Variants in POLR3B observed in about 807,000 individuals in gnomAD.
POLR3B encodes DNA-directed RNA polymerase III subunit RPC2.
A neutral mutation model predicts 147.4 loss-of-function variants in POLR3B; 96 were observed. The ratio of observed to expected loss-of-function variants is 0.65; its 90% CI spans 0.55 to 0.77. POLR3B has a LOEUF of 0.77. Among genes scored for constraint, POLR3B ranks in the 30% least tolerant of loss-of-function variants. POLR3B has a pLI of 0.00. For synonymous variants in POLR3B, 461 were observed against 485.9 expected (o/e 0.95, Z 0.67); for missense variants, 1,036 against 1,413.5 (o/e 0.73, Z 4.28).
intron 9 of POLR3B, among the ~76,000 whole-genome samples, chr12:106,381,784 CAAAA>C (rs2036766961): frequency 6.6e-6 from 1 of 152,126 alleles, no homozygotes; most frequent in South Asian, 2.1e-4. Flanking sequence ...AGTAAAGAAA[CAAAA>C]GAATGGCTAC....
chr12:106,368,769 G>A (rs1304797173), intron 4 of POLR3B, among the ~76,000 whole-genome samples: 1 of 152,098 alleles, frequency 6.6e-6, no homozygotes, highest in South Asian at 2.1e-4. Context: ...GCACAAAAAA[G>A]TATATTCAGA....
chr12:106,448,032 A>G (rs1239635841), intron 19 of POLR3B, among the ~76,000 whole-genome samples: 1 of 151,226 alleles, frequency 6.6e-6, no homozygotes, highest in Non-Finnish European at 1.5e-5. Flanking sequence ...TTCATTCTAC[A>G]CCTCCTCCCC....
chr12:106,464,068 G>C (rs552127175), intron 23 of POLR3B, among the ~76,000 whole-genome samples: 1 of 151,956 alleles, frequency 6.6e-6, no homozygotes, highest in African/African-American at 2.4e-5. Context: ...TTCAGACCCC[G>C]CATTTTCAGT....
intron 6 of POLR3B, among the ~76,000 whole-genome samples, chr12:106,371,297 T>C (rs1047965220): frequency 1.1e-4 from 16 of 152,196 alleles, no homozygotes; most frequent in Non-Finnish European, 5.9e-5. Flanking sequence ...CAACAGGTGC[T>C]GGAGAGGATG....
At chr12:106,425,568 GC>G (rs2037424529) in intron 12 of POLR3B, among the ~76,000 whole-genome samples, 1 of 152,140 alleles carries the variant, frequency 6.6e-6, no homozygotes, top group African/African-American at 2.4e-5. Context: ...ATGCAAGAAA[GC>G]CCAGGGAAGT....
chr12:106,447,953 A>G (rs1279797288), intron 19 of POLR3B, among the ~76,000 whole-genome samples: 1 of 152,226 alleles, frequency 6.6e-6, no homozygotes, highest in East Asian at 1.9e-4. Flanking sequence ...GCTGAGATGC[A>G]CTAGAAATAG....
chr12:106,443,577 G>T (rs1049744732), intron 18 of POLR3B, among the ~76,000 whole-genome samples: 1 of 151,822 alleles, frequency 6.6e-6, no homozygotes, highest in Non-Finnish European at 1.5e-5. Context: ...GAGTGCAGTG[G>T]CAAGATCTCA....
intron 19 of POLR3B, among the ~76,000 whole-genome samples, chr12:106,451,612 ACT>A (rs1307449700): frequency 1.9e-5 from 2 of 107,376 alleles, no homozygotes; most frequent in East Asian, 6.1e-4. Flanking sequence ...ATGGAGTGAG[ACT>A]CTGTTATTTA....
At chr12:106,423,878 C>A (rs1412224340) in intron 12 of POLR3B, among the ~76,000 whole-genome samples, 1 of 150,246 alleles carries the variant, frequency 6.7e-6, no homozygotes, top group African/African-American at 2.5e-5. Flanking sequence ...TTCCTCGGGA[C>A]AAGAGTCTTG....
intron 23 of POLR3B, among the ~76,000 whole-genome samples, chr12:106,491,116 TA>T (rs1418873832): frequency 6.6e-6 from 1 of 152,318 alleles, no homozygotes; most frequent in Non-Finnish European, 1.5e-5. Flanking sequence ...TCTTATATAA[TA>T]ATAATTCCTT....
chr12:106,417,695 A>G (rs1045644505), intron 12 of POLR3B, among the ~76,000 whole-genome samples: 1 of 152,194 alleles, frequency 6.6e-6, no homozygotes, highest in Admixed American at 6.6e-5. Context: ...TGTTTGGTTA[A>G]TGGCCACTAC....
intron 2 of POLR3B, among the ~76,000 whole-genome samples, chr12:106,366,008 A>G (rs2036531648): frequency 6.6e-6 from 1 of 152,164 alleles, no homozygotes; most frequent in Non-Finnish European, 1.5e-5. Flanking sequence ...TGGAGCTGTC[A>G]TCTTCTATGA....
At chr12:106,418,347 G>A (rs2037333019) in intron 12 of POLR3B, among the ~76,000 whole-genome samples, 2 of 152,294 alleles carry the variant, frequency 1.3e-5, no homozygotes, top group South Asian at 4.1e-4. Flanking sequence ...GAAAGCCAGG[G>A]ATTTCTACCC....
At chr12:106,460,302 T>C (rs1424118658) in intron 22 of POLR3B, among the ~76,000 whole-genome samples, 1 of 152,246 alleles carries the variant, frequency 6.6e-6, no homozygotes, top group Non-Finnish European at 1.5e-5. Context: ...CAGTTACTGT[T>C]CTGGACATTT....
rs762581881 is a variant in POLR3B at position 106,437,633 on chromosome 12, G to C, written c.1857-48G>C. On this transcript the variant is annotated intron_variant, in intron 17 of 27. Transcript: ENST00000228347. ...ATCTCCTGTTATTATATAAAATACT[G>C]CAGAAAAATGCTTTTTAATGATGTC... 6 of 1,043,896 alleles carry C rather than the reference G, an allele frequency of 5.7e-6. 1 individual carries two copies. The South Asian group carries it at 7.7e-5, about 13-fold the overall frequency. The allele number at this position is 1,043,896 out of a possible 1,614,324, so 64.7% of individuals were successfully genotyped here. A position where few individuals can be genotyped will look rare whatever the true frequency, so the allele number is the denominator to read the frequency against.
At position 106,424,964 on chromosome 12, in the gene POLR3B, G is replaced by A. The variant is rs2037417450; in HGVS notation, c.1102-2233G>A. 2.0e-5 allele frequency among the ~76,000 whole-genome samples: 3 copies of A among 151,920 alleles called. No homozygotes were observed. In the South Asian group the frequency reaches 6.2e-4, roughly 32 times the overall value. On this transcript the variant is annotated intron_variant, in intron 12 of 27. Transcript: ENST00000228347. Reference sequence around the variant, plus strand: ...TTTGTGTTTATTGGCCTTGTATCTTGCAAACTTGCTAAACACATGTGCTAT... The same window carrying A: ...TTTGTGTTTATTGGCCTTGTATCTTACAAACTTGCTAAACACATGTGCTAT...
At chr12:106,495,890 T>C (rs530092443) in intron 23 of POLR3B, 165 bp from the exon 24 acceptor site, 1 of 728,022 alleles carries the variant, frequency 1.4e-6, no homozygotes, top group South Asian at 1.4e-5. Context: ...GAACTGTTTG[T>C]CAAGCAGGAT....
At chr12:106,397,916 G>T (rs1222274743) in intron 10 of POLR3B, among the ~76,000 whole-genome samples, 1 of 152,258 alleles carries the variant, frequency 6.6e-6, no homozygotes, top group Admixed American at 6.5e-5. Flanking sequence ...CTACCAGCGT[G>T]AACGACGCAC....
intron 19 of POLR3B, among the ~76,000 whole-genome samples, chr12:106,445,146 AATTT>A (rs1391935932): frequency 6.6e-6 from 1 of 152,098 alleles, no homozygotes; most frequent in Non-Finnish European, 1.5e-5. Flanking sequence ...TTCATCTATT[AATTT>A]ATTTATTCAT....
Sources: gnomAD v4.1 joint callset for allele counts (sites outside exome capture counted in the v4.1 genomes callset) on GRCh38, gnomAD v4.1.1 for gene constraint, MANE v1.5 for transcripts, NCBI Gene and HGNC (gene_info 2026-07-23, HGNC 2026-07-21) for gene names.